The following GPNMB variants were observed in gnomAD, a reference collection of about 807,000 sequenced individuals.
GPNMB encodes glycoprotein nmb.
Under a neutral mutation model 57.3 loss-of-function variants are expected in GPNMB, and 71 were observed. That is an observed-to-expected ratio of 1.24 (90% CI 1.02 to 1.51). The LOEUF (loss-of-function observed/expected upper bound fraction) is 1.51, where lower values mean the gene tolerates loss of function less well. Among genes scored for constraint, GPNMB ranks in the 40% most tolerant of loss-of-function variants. GPNMB has a pLI of 0.00. For missense variants in GPNMB, 677 were observed against 691.9 expected (o/e 0.98, Z 0.24); for synonymous variants, 253 against 263.2 (o/e 0.96, Z 0.38).
At chr7:23,260,927 A>G (rs1782907927) in intron 6 of GPNMB, among the ~76,000 whole-genome samples, 154 bp downstream of exon 6, 2 of 152,180 alleles carry the variant, frequency 1.3e-5, no homozygotes, top group Admixed American at 1.3e-4. Context: ...CAAAGTTATC[A>G]CCATTTTACA....
intron 1 of GPNMB, among the ~76,000 whole-genome samples, chr7:23,249,997 A>T (rs1393539689): frequency 6.6e-6 from 1 of 152,194 alleles, no homozygotes; most frequent in East Asian, 1.9e-4. Context: ...ACTGATAGGG[A>T]TATAGTGATA....
chr7:23,257,006 C>A lies in GPNMB; in HGVS notation c.482C>A (p.Pro161His). The A allele has an allele frequency of 6.2e-7, 1 of 1,614,194 alleles. No individual in the cohort carries two copies. The highest frequency in any genetic ancestry group is 8.5e-7 in the Non-Finnish European group (1 of 1,179,998). ...SHHNVFPDGK[P>H]FPHHPGWRRW... Reference sequence around the variant, plus strand: ...CATAACGTCTTCCCTGATGGGAAACCTTTTCCTCACCACCCCGGATGGAGA... The same window carrying A: ...CATAACGTCTTCCCTGATGGGAAACATTTTCCTCACCACCCCGGATGGAGA... The change falls in exon 4 of 11, where the codon CCT (proline) becomes CAT (histidine). Residue 161 changes from proline to histidine, a missense_variant. Transcript: ENST00000258733.
rs138093008 is a variant in GPNMB at position 23,260,053 on chromosome 7, T to C, written c.615T>C (p.Pro205=). 160 of 1,613,972 alleles carry C rather than the reference T, an allele frequency of 9.9e-5. No homozygotes were observed. Among genetic ancestry groups the C allele is most frequent in the Middle Eastern group, 6.6e-4 (4 of 6,084 alleles). The change falls in exon 5 of 11, where the codon CCT becomes CCC. Residue 205 remains proline (P), a synonymous_variant. Coordinates refer to ENST00000258733, the MANE Select transcript of GPNMB (RefSeq NM_002510.3). ...ACACAGCCAATGTGACACTTGGGCC[T>C]CAACTCATGGAAGTGACTGTCTACA... The part of the protein sequence containing the change: ...SVNTANVTLG[P]QLMEVTVYRR...
chr7:23,273,115 C>A (rs1453065842), intron 9 of GPNMB: 1 of 158,546 alleles, frequency 6.3e-6, no homozygotes, highest in Non-Finnish European at 1.4e-5. Flanking sequence ...TAAGGGGGCA[C>A]GGAGGTCTGA....
intron 9 of GPNMB, 54 bp downstream of exon 9, chr7:23,270,229 A>T: frequency 9.9e-6 from 12 of 1,217,426 alleles, no homozygotes; most frequent in Non-Finnish European, 1.4e-5. Flanking sequence ...TAAAGTGTGT[A>T]TCCCATACTA....
intron 9 of GPNMB, chr7:23,273,275 C>G: frequency 4.4e-6 from 2 of 458,414 alleles, no homozygotes; most frequent in South Asian, 2.9e-5. Flanking sequence ...GAGCAGGTGT[C>G]TCCAGGACGT....
At chr7:23,273,214 T>TAGGC (rs1783252438) in intron 9 of GPNMB, 3 of 259,714 alleles carry the variant, frequency 1.2e-5, no homozygotes, top group African/African-American at 6.7e-5. Context: ...CACGGCCGCC[T>TAGGC]GATCACAGGA....
chr7:23,273,726 G>T, intron 10 of GPNMB, 112 bp downstream of exon 10: 1 of 715,410 alleles, frequency 1.4e-6, no homozygotes, highest in South Asian at 1.7e-5. Context: ...TTTTGTGTAG[G>T]GGAGGAAAAT....
At chr7:23,273,257 C>T (rs186794113) in intron 9 of GPNMB, 2 of 379,148 alleles carry the variant, frequency 5.3e-6, no homozygotes, top group East Asian at 1.0e-4. Context: ...CTGGGTCACC[C>T]AAGACCTGAG....
chr7:23,270,320 G>A, intron 9 of GPNMB, 145 bp downstream of exon 9: 1 of 611,560 alleles, frequency 1.6e-6, no homozygotes, highest in Non-Finnish European at 2.9e-6. Context: ...AAGGATCTGA[G>A]GACTGGCATT....
intron 9 of GPNMB, 40 bp downstream of exon 9, chr7:23,270,215 C>A: frequency 7.3e-7 from 1 of 1,370,618 alleles, no homozygotes; most frequent in Non-Finnish European, 1.0e-6. Flanking sequence ...TTTCATACTG[C>A]AAGTAAAGTG....
chr7:23,264,096 G>GA (rs35143635), intron 6 of GPNMB, among the ~76,000 whole-genome samples: 9,930 of 109,386 alleles, frequency 0.091, 534 homozygotes, highest in African/African-American at 0.18. Flanking sequence ...GAACAAATCT[G>GA]AAAAAAAAAA....
chr7:23,256,005 C>A (rs1782768225), intron 3 of GPNMB, among the ~76,000 whole-genome samples: 1 of 152,098 alleles, frequency 6.6e-6, no homozygotes, highest in Non-Finnish European at 1.5e-5. Flanking sequence ...CTCCCAGGTT[C>A]AAGCAATTCT....
intron 1 of GPNMB, among the ~76,000 whole-genome samples, chr7:23,252,739 A>C (rs1181977610): frequency 6.6e-6 from 1 of 152,252 alleles, no homozygotes; most frequent in African/African-American, 2.4e-5. Flanking sequence ...AATTCAAAAA[A>C]ACACTATCAA....
At chr7:23,265,414 T>A (rs1468915604) in intron 6 of GPNMB, among the ~76,000 whole-genome samples, 2 of 152,254 alleles carry the variant, frequency 1.3e-5, no homozygotes, top group Non-Finnish European at 2.9e-5. Context: ...CTAGATTTTT[T>A]ATCTTGCTAA....
At position 23,254,258 on chromosome 7, in the gene GPNMB, T is replaced by C. The variant is rs1322613809; in HGVS notation, c.313T>C (p.Cys105Arg). 1 of 1,611,196 alleles carries C rather than the reference T, an allele frequency of 6.2e-7. No individual in the cohort carries two copies. Among genetic ancestry groups the C allele is most frequent in the Non-Finnish European group, 8.5e-7 (1 of 1,177,454 alleles). The change falls in exon 3 of 11, where the codon TGC (cysteine) becomes CGC (arginine). Residue 105 changes from cysteine to arginine, a missense_variant. Cys to Arg is a radical substitution (Grantham distance 180). Coordinates refer to ENST00000258733, the MANE Select transcript of GPNMB (RefSeq NM_002510.3). ...TGCGGTGAACCTGATATTCCCTAGATGCCAAAAGGAAGATGCCAATGGCAA... is the reference window on the plus strand; with the variant it reads ...TGCGGTGAACCTGATATTCCCTAGACGCCAAAAGGAAGATGCCAATGGCAA... ...TFAVNLIFPRCQKEDANGNIV... is the reference protein window; with the variant it reads ...TFAVNLIFPRRQKEDANGNIV...
Position 23,260,761 on chromosome 7 carries a change from A to G in GPNMB, c.1006A>G (p.Thr336Ala). The stretch of plus-strand genomic sequence containing the variant: ...ACCACCACCCAGACCTTCAAAACCC[A>G]CCCCTTCTTTAGGTAAGGTTTCGCA... ...PPPPPRPSKP[T>A]PSLGPAGDNP... is the part of the protein sequence containing the mutation. The change falls in exon 6 of 11, where the codon ACC (threonine) becomes GCC (alanine). Residue 336 changes from threonine (T) to alanine (A), a missense_variant. By Grantham distance (58) the Thr-to-Ala change is moderately conservative. Transcript: ENST00000258733. 2.6e-6 allele frequency: 4 copies of G among 1,532,910 alleles called. No individual in the cohort carries two copies. The highest frequency in any genetic ancestry group is 3.5e-6 in the Non-Finnish European group (4 of 1,140,620). The allele number at this position is 1,532,910 out of a possible 1,614,324, so 95.0% of individuals were successfully genotyped here. A position where few individuals can be genotyped will look rare whatever the true frequency, so the allele number is the denominator to read the frequency against.
intron 9 of GPNMB, among the ~76,000 whole-genome samples, chr7:23,271,318 C>T (rs929288668): frequency 5.3e-5 from 8 of 152,208 alleles, no homozygotes; most frequent in African/African-American, 1.7e-4. Flanking sequence ...TACTGGCCAT[C>T]GGTCTGGGGG....
chr7:23,248,776 G>GT (rs1554300154), intron 1 of GPNMB, among the ~76,000 whole-genome samples: 1,837 of 143,202 alleles, frequency 0.013, 34 homozygotes, highest in African/African-American at 0.034. Context: ...TTACTATTGG[G>GT]TTTTTTTTTT....
Sources: gnomAD v4.1 joint callset for allele counts (sites outside exome capture counted in the v4.1 genomes callset) on GRCh38, gnomAD v4.1.1 for gene constraint, MANE v1.5 for transcripts, NCBI Gene and HGNC (gene_info 2026-07-23, HGNC 2026-07-21) for gene names.